ZNF487: variants seen among roughly 807,000 people sequenced by gnomAD.
The protein encoded by ZNF487 is zinc finger protein 487.
Under a neutral mutation model 3.0 loss-of-function variants are expected in ZNF487, and 4 were observed. The observed-to-expected ratio is 1.35, with a 90% CI of 0.66 to 3.08. The LOEUF (loss-of-function observed/expected upper bound fraction) is 3.08, where lower values mean the gene tolerates loss of function less well. ZNF487 is among the 30% of genes most tolerant of loss of function. The pLI, the probability that ZNF487 is intolerant of heterozygous loss-of-function variation, is 0.01. For synonymous variants in ZNF487, 55 were observed against 34.6 expected (o/e 1.59, Z -2.06); for missense variants, 146 against 98.7 (o/e 1.48, Z -2.03).
chr10:43,488,300 A>G, the ZNF487 span, among the ~76,000 whole-genome samples: 8 of 152,334 alleles, frequency 5.3e-5, no homozygotes, highest in South Asian at 1.7e-3. Context: ...TAGGGCAACA[A>G]GTAAATTTAT....
intron 1 of ZNF487, among the ~76,000 whole-genome samples, chr10:43,460,380 C>CTTTTTTTTT (rs199998705): frequency 1.3e-4 from 16 of 121,106 alleles, no homozygotes; most frequent in East Asian, 2.4e-4. Flanking sequence ...TTCTTTCTTT[C>CTTTTTTTTT]TTTTTTTTTT....
downstream of ZNF487, among the ~76,000 whole-genome samples, chr10:43,487,325 G>A (rs1182000520): frequency 6.6e-6 from 1 of 151,892 alleles, no homozygotes; most frequent in African/African-American, 2.4e-5. Flanking sequence ...GTTTTTAAAT[G>A]AGATGGGGTT....
upstream of ZNF487, chr10:43,436,856 G>A (rs1032512460): frequency 2.1e-6 from 1 of 468,362 alleles, no homozygotes; most frequent in South Asian, 1.6e-5. Context: ...CCCCGCCCCC[G>A]GACGCCCAGC....
chr10:43,481,724 T>G lies in ZNF487; in HGVS notation c.426T>G (p.Arg142=), dbSNP rs147311074. 5.3e-4 allele frequency: 380 copies of G among 716,630 alleles called. 1 individual carries two copies. In the African/African-American group the frequency reaches 5.4e-3, roughly 10 times the overall value. The allele number at this position is 716,630 out of a possible 1,614,324, so 44.4% of individuals were successfully genotyped here. A position where few individuals can be genotyped will look rare whatever the true frequency, so the allele number is the denominator to read the frequency against. The part of the protein sequence containing the change: ...VRGKFLLCMK[R]ENPYARGKPL... ...GGAAATTTCTCCTCTGTATGAAGCG[T>G]GAGAATCCTTATGCCAGAGGGAAAC... The change falls in exon 4 of 4, where the codon CGT becomes CGG. Residue 142 remains arginine, a synonymous_variant. Coordinates refer to ENST00000437590, the MANE Select transcript of ZNF487 (RefSeq NM_001355444.3).
chr10:43,492,153 C>T, the ZNF487 span, among the ~76,000 whole-genome samples: 1 of 151,732 alleles, frequency 6.6e-6, no homozygotes, highest in Non-Finnish European at 1.5e-5. Context: ...TGCCACATTG[C>T]CCAGGCTACC....
At chr10:43,440,911 G>A (rs1839575972) in intron 1 of ZNF487, among the ~76,000 whole-genome samples, 1 of 151,768 alleles carries the variant, frequency 6.6e-6, no homozygotes, top group Admixed American at 6.6e-5. Context: ...GTGTTGCCTA[G>A]GCTGGAGTGC....
At chr10:43,471,764 GTC>G (rs1840917665) in intron 1 of ZNF487, among the ~76,000 whole-genome samples, 1 of 152,184 alleles carries the variant, frequency 6.6e-6, no homozygotes, top group African/African-American at 2.4e-5. Context: ...TACTGACTGA[GTC>G]TGGGGTCTTT....
intron 3 of ZNF487, among the ~76,000 whole-genome samples, chr10:43,480,857 G>A (rs1287515985): frequency 6.6e-6 from 1 of 152,158 alleles, no homozygotes; most frequent in Non-Finnish European, 1.5e-5. Context: ...ATCAGAAGAT[G>A]AAGCAGAACC....
At chr10:43,440,176 G>A (rs1242063374) in intron 1 of ZNF487, among the ~76,000 whole-genome samples, 1 of 151,678 alleles carries the variant, frequency 6.6e-6, no homozygotes, top group Admixed American at 6.6e-5. Context: ...AGCCTCCCGA[G>A]TAGCTAGGAT....
intron 1 of ZNF487, among the ~76,000 whole-genome samples, chr10:43,440,049 TA>T (rs1839536846): frequency 1.6e-5 from 1 of 63,234 alleles, no homozygotes; most frequent in Non-Finnish European, 4.6e-5. Context: ...TTTATATATA[TA>T]TATATTTTTT....
chr10:43,443,616 C>T (rs556496937), intron 1 of ZNF487, among the ~76,000 whole-genome samples: 20 of 152,114 alleles, frequency 1.3e-4, no homozygotes, highest in African/African-American at 4.3e-4. Flanking sequence ...TCAGGTAATC[C>T]ACCTGCCTCA....
intron 1 of ZNF487, among the ~76,000 whole-genome samples, chr10:43,456,727 C>T (rs1207777717): frequency 6.6e-6 from 1 of 152,020 alleles, no homozygotes; most frequent in African/African-American, 2.4e-5. Flanking sequence ...ATTACAGGTG[C>T]GCGACACCAT....
chr10:43,487,964 G>A (rs533055560), downstream of ZNF487, among the ~76,000 whole-genome samples: 1 of 139,598 alleles, frequency 7.2e-6, no homozygotes, highest in Non-Finnish European at 1.5e-5. Flanking sequence ...AAATTAGCCG[G>A]GCATGGTGGC....
chr10:43,445,418 T>C (rs1021488100), intron 1 of ZNF487, among the ~76,000 whole-genome samples: 1 of 152,188 alleles, frequency 6.6e-6, no homozygotes, highest in Non-Finnish European at 1.5e-5. Context: ...ATTTTACTTT[T>C]TGGATGCAGG....
the ZNF487 span, among the ~76,000 whole-genome samples, chr10:43,508,303 T>A: frequency 6.6e-6 from 1 of 152,232 alleles, no homozygotes; most frequent in Admixed American, 6.5e-5. Context: ...CTTGTCTGTA[T>A]GTTTTTAGGG....
intron 3 of ZNF487, 92 bp from the exon 4 acceptor site, chr10:43,481,337 A>G (rs1244991215): frequency 3.2e-6 from 2 of 624,546 alleles, no homozygotes; most frequent in African/African-American, 1.9e-5. Flanking sequence ...TGTGCCAAAA[A>G]AAAAAAGAAA....
chr10:43,508,339 TA>T, the ZNF487 span, among the ~76,000 whole-genome samples: 1 of 152,214 alleles, frequency 6.6e-6, no homozygotes, highest in Non-Finnish European at 1.5e-5. Flanking sequence ...AAATAGAGAC[TA>T]AATAAGTATG....
intron 1 of ZNF487, among the ~76,000 whole-genome samples, chr10:43,445,813 A>G (rs1469898688): frequency 6.6e-6 from 1 of 152,168 alleles, no homozygotes; most frequent in Non-Finnish European, 1.5e-5. Flanking sequence ...TTTCCTAGGC[A>G]GAGGACCCTG....
intron 1 of ZNF487, among the ~76,000 whole-genome samples, chr10:43,455,670 C>T (rs983667318): frequency 1.3e-5 from 2 of 152,222 alleles, no homozygotes; most frequent in Non-Finnish European, 2.9e-5. Flanking sequence ...CGCGCATGCG[C>T]GGCCCATTTC....
Sources: gnomAD v4.1 joint callset for allele counts (sites outside exome capture counted in the v4.1 genomes callset) on GRCh38, gnomAD v4.1.1 for gene constraint, MANE v1.5 for transcripts, NCBI Gene and HGNC (gene_info 2026-07-23, HGNC 2026-07-21) for gene names.